SLC43A2: variants seen among roughly 807,000 people sequenced by gnomAD.
SLC43A2 encodes solute carrier family 43 member 2.
SLC43A2 carries 38 observed loss-of-function variants against 63.2 expected under a neutral mutation model. The observed-to-expected ratio is 0.60, with a 90% CI of 0.46 to 0.79. The LOEUF is 0.79. SLC43A2 is among the 30% of genes least tolerant of loss of function. The pLI, the probability that SLC43A2 is intolerant of heterozygous loss-of-function variation, is 0.00. For missense variants in SLC43A2, 644 were observed against 756.2 expected (o/e 0.85, Z 1.74); for synonymous variants, 322 against 331.0 (o/e 0.97, Z 0.30).
chr17:1,626,141 G>T (rs534024356), intron 2 of SLC43A2, among the ~76,000 whole-genome samples: 1 of 147,522 alleles, frequency 6.8e-6, no homozygotes, highest in Non-Finnish European at 1.5e-5. Flanking sequence ...GACACTAAAA[G>T]CTTTCTCTGG....
intron 13 of SLC43A2, 107 bp downstream of exon 13, chr17:1,576,490 C>T (rs2075932690): frequency 7.7e-7 from 1 of 1,291,134 alleles, no homozygotes; most frequent in Admixed American, 2.6e-5. Context: ...CTAACCAACG[C>T]TCCCACATGT....
Position 1,605,697 on chromosome 17 carries a change from C to T in SLC43A2, c.501+7498G>A, listed in dbSNP as rs1281310394. Among the ~76,000 whole-genome samples the T allele has an allele frequency of 4.6e-5, 7 of 152,104 alleles. No individual in the cohort carries two copies. The highest frequency in any genetic ancestry group is 1.0e-4 in the Non-Finnish European group (7 of 68,012). ...GTCCCCAAGTGGCTGGAGTACACAC[C>T]CAGAGTTCTGTACAACCTGCACAGG... On this transcript the variant is annotated intron_variant, in intron 5 of 13. Transcript: ENST00000301335. The surrounding 1 kb of genome is among the most constrained non-coding windows in gnomAD (Gnocchi z 4.9).
intron 3 of SLC43A2, among the ~76,000 whole-genome samples, chr17:1,615,629 G>C (rs1310563895): frequency 6.7e-6 from 1 of 149,944 alleles, no homozygotes; most frequent in East Asian, 2.0e-4. Context: ...AGATCACAAG[G>C]TCAGGAGATC....
chr17:1,591,779 G>T, intron 6 of SLC43A2, 80 bp from the exon 7 acceptor site: 1 of 1,133,076 alleles, frequency 8.8e-7, no homozygotes. Flanking sequence ...AGCAGGCAGG[G>T]GCGTCTGGCC....
intron 5 of SLC43A2, among the ~76,000 whole-genome samples, chr17:1,599,759 A>G (rs879546969): frequency 4.4e-4 from 67 of 151,176 alleles, no homozygotes; most frequent in Non-Finnish European, 8.1e-4. Flanking sequence ...TTAAAAAATT[A>G]TTTGGCCAGG....
chr17:1,570,544 T>G lies in SLC43A2; in HGVS notation c.*5060A>C, dbSNP rs866326573. Reference sequence around the variant, plus strand: ...CTCTGTCGCCCAGGCTGGAGTGCAGTGGCGGGATCTCGGCTCACTGCAAGC... The same window carrying G: ...CTCTGTCGCCCAGGCTGGAGTGCAGGGGCGGGATCTCGGCTCACTGCAAGC... On this transcript the variant is annotated 3_prime_UTR_variant, in exon 14 of 14. Transcript: ENST00000301335. The G allele has an allele frequency of 8.0e-4, 119 of 148,492 alleles. 1 individual carries two copies. The highest frequency in any genetic ancestry group is 2.8e-3 in the African/African-American group (113 of 40,048). 9.2% of individuals were successfully genotyped at this position (148,492 alleles called of 1,614,324 possible). A position where few individuals can be genotyped will look rare whatever the true frequency, so the allele number is the denominator to read the frequency against.
chr17:1,576,662 A>C lies in SLC43A2; in HGVS notation c.1483T>G (p.Phe495Val). The C allele has an allele frequency of 6.2e-7, 1 of 1,610,900 alleles. No homozygotes were observed. Among genetic ancestry groups the C allele is most frequent in the Non-Finnish European group, 8.5e-7 (1 of 1,179,858 alleles). ...AACAGCGGCTGCTGCAGAAGGGCGA[A>C]GAGCGCGCTGATCAGAGACTGCAGT... The part of the protein sequence containing the change: ...TGLQSLISAL[F>V]ALLQQPLFLA... The change falls in exon 13 of 14, where the codon TTC becomes GTC. Residue 495 changes from phenylalanine (F) to valine (V), a missense_variant. By Grantham distance (50) the Phe-to-Val change is conservative. Transcript: ENST00000301335.
chr17:1,602,507 A>G (rs1220894659), intron 5 of SLC43A2, among the ~76,000 whole-genome samples: 2 of 151,908 alleles, frequency 1.3e-5, no homozygotes, highest in Non-Finnish European at 2.9e-5. Flanking sequence ...TTAGCCGGAC[A>G]TGGTGGCAGG....
rs960080249 is a variant in SLC43A2 at position 1,627,882 on chromosome 17, C to G, written c.-8G>C. ...GGCCAGGGTGGGCGCCATGGTGCGG[C>G]GCGGCGCGGCTCCGGCTCCGGCTCC... On this transcript the variant is annotated 5_prime_UTR_variant, in exon 2 of 14. Coordinates refer to ENST00000301335, the MANE Select transcript of SLC43A2 (RefSeq NM_152346.3). 3 of 1,552,074 alleles carry G rather than the reference C, an allele frequency of 1.9e-6. No individual in the cohort carries two copies. The highest frequency in any genetic ancestry group is 2.6e-6 in the Non-Finnish European group (3 of 1,149,364).
rs528267877 is a variant in SLC43A2, at chr17:1,577,597, C to A, written c.1424+653G>T. ...TGGCCCAGAGGTGGGAAAGGAATCC[C>A]AGCAACACATGAGCTGGTCCCACAT... On this transcript the variant is annotated intron_variant, in intron 12 of 13. Transcript: ENST00000301335. The surrounding 1 kb of genome is among the most constrained non-coding windows in gnomAD (Gnocchi z 4.9). Among the ~76,000 whole-genome samples the A allele has an allele frequency of 3.3e-5, 5 of 152,198 alleles. No individual in the cohort carries two copies. The highest frequency in any genetic ancestry group is 1.5e-5 in the Non-Finnish European group (1 of 68,032).
rs912779727 is a variant in SLC43A2, at chr17:1,605,381, G to A, written c.501+7814C>T. The A allele has an allele frequency of 1.7e-4, 49 of 293,794 alleles. No individual in the cohort carries two copies. The highest frequency in any genetic ancestry group is 1.7e-3 in the Middle Eastern group (1 of 606). 18.2% of individuals were successfully genotyped at this position (293,794 alleles called of 1,614,324 possible). ...GGACAGGAGTGCCTGCAGGGCCAAG[G>A]CCCTGGGACAGTGCGGGCGCGGGAG... On this transcript the variant is annotated intron_variant, in intron 5 of 13. Coordinates refer to ENST00000301335, the MANE Select transcript of SLC43A2 (RefSeq NM_152346.3). The surrounding 1 kb of genome is among the most constrained non-coding windows in gnomAD (Gnocchi z 4.9).
Position 1,583,011 on chromosome 17 carries a change from T to A in SLC43A2, c.1350+193A>T, listed in dbSNP as rs1300361099. ...GGAGAATCGCTTGAACCCAGGAGGC[T>A]GAGGTTGCAGTGAGCCGAGATCACA... On this transcript the variant is annotated intron_variant, in intron 11 of 13. Transcript: ENST00000301335. The surrounding 1 kb of genome is among the most constrained non-coding windows in gnomAD (Gnocchi z 5.5). 6.6e-6 allele frequency among the ~76,000 whole-genome samples: 1 copy of A among 151,906 alleles called. No homozygotes were observed. The highest frequency in any genetic ancestry group is 1.9e-4 in the East Asian group (1 of 5,178).
chr17:1,594,530 T>C (rs1905094593), intron 5 of SLC43A2, among the ~76,000 whole-genome samples: 2 of 152,108 alleles, frequency 1.3e-5, no homozygotes, highest in African/African-American at 4.8e-5. Flanking sequence ...ACTTAATCTA[T>C]GTCCCCTCCA....
chr17:1,604,955 C>G, intron 5 of SLC43A2: 1 of 1,498,846 alleles, frequency 6.7e-7, no homozygotes, highest in South Asian at 1.3e-5. Flanking sequence ...GAGGGCTGAG[C>G]GCTGAGCAGA....
At chr17:1,590,243 A>C (rs1009652947) in intron 9 of SLC43A2, among the ~76,000 whole-genome samples, 1 of 152,048 alleles carries the variant, frequency 6.6e-6, no homozygotes, top group Non-Finnish European at 1.5e-5. Flanking sequence ...GGAAAAGTGG[A>C]CTGTGGGTTA....
At chr17:1,597,515 T>A (rs1244753449) in intron 5 of SLC43A2, among the ~76,000 whole-genome samples, 130 of 62,298 alleles carry the variant, frequency 2.1e-3, no homozygotes, top group Admixed American at 2.1e-3. Context: ...AAAAAAGAAA[T>A]GAGGCCGGGC....
chr17:1,583,511 C>T lies in SLC43A2; in HGVS notation c.1218-175G>A, dbSNP rs2076053240. On this transcript the variant is annotated intron_variant, in intron 10 of 13. Transcript: ENST00000301335. The surrounding 1 kb of genome is among the most constrained non-coding windows in gnomAD (Gnocchi z 5.5). ...GACCAGCACTACGGACACTCCCCGGCCCTTCTCAGTGGCAAGCTGAGTGTG... is the reference window on the plus strand; with the variant it reads ...GACCAGCACTACGGACACTCCCCGGTCCTTCTCAGTGGCAAGCTGAGTGTG... 3 of 1,126,108 alleles carry T rather than the reference C, an allele frequency of 2.7e-6. No individual in the cohort carries two copies. The South Asian group carries it at 5.0e-5, about 19-fold the overall frequency. The allele number at this position is 1,126,108 out of a possible 1,614,324, so 69.8% of individuals were successfully genotyped here.
chr17:1,571,141 G>A lies in SLC43A2; in HGVS notation c.*4463C>T, dbSNP rs962305792. 3 of 152,334 alleles carry A rather than the reference G, an allele frequency of 2.0e-5. No homozygotes were observed. The highest frequency in any genetic ancestry group is 7.2e-5 in the African/African-American group (3 of 41,438). The allele number at this position is 152,334 out of a possible 1,614,324, so 9.4% of individuals were successfully genotyped here. A position where few individuals can be genotyped will look rare whatever the true frequency, so the allele number is the denominator to read the frequency against. On this transcript the variant is annotated 3_prime_UTR_variant, in exon 14 of 14. Coordinates refer to ENST00000301335, the MANE Select transcript of SLC43A2 (RefSeq NM_152346.3). This position sits in a 1 kb window ranked among gnomAD's most constrained non-coding sequence, Gnocchi z 5.2. ...AGCTGCGGAAGGCCACCCAGGTGGA[G>A]TGTGCTGCACCTCCTTCAGTGGCCT...
At chr17:1,604,197 C>T (rs1477559893) in intron 5 of SLC43A2, among the ~76,000 whole-genome samples, 1 of 2,642 alleles carries the variant, frequency 3.8e-4, no homozygotes, top group African/African-American at 4.3e-4. Context: ...TGTGCCACTA[C>T]GCCACGATGC....
Sources: allele counts gnomAD v4.1 joint callset (sites outside exome capture counted in the v4.1 genomes callset), GRCh38; gene constraint gnomAD v4.1.1; non-coding constraint Gnocchi (gnomAD v3.1); transcripts MANE v1.5; gene names NCBI Gene and HGNC (gene_info 2026-07-23, HGNC 2026-07-21).